EYS: variants seen among roughly 807,000 people sequenced by gnomAD.
EYS encodes protein eyes shut homolog.
In EYS, 250 loss-of-function variants were observed where a neutral mutation model predicts 282.1. That is an observed-to-expected ratio of 0.89 (90% CI 0.80 to 0.98). The LOEUF is 0.98. Ranked by LOEUF, EYS falls within the 50% of genes least tolerant of loss-of-function variation. EYS has a pLI of 0.00. For missense variants in EYS, 4,016 were observed against 3,709.0 expected (o/e 1.08, Z -2.15); for synonymous variants, 1,355 against 1,282.9 (o/e 1.06, Z -1.20).
chr6:64,421,681 T>G (rs1774237052), intron 28 of EYS, among the ~76,000 whole-genome samples: 2 of 152,114 alleles, frequency 1.3e-5, no homozygotes, highest in Admixed American at 6.5e-5. Context: ...AAAATCAAAA[T>G]GCACAGATTA....
At chr6:65,380,913 A>G (rs1023497859) in intron 8 of EYS, among the ~76,000 whole-genome samples, 1 of 152,164 alleles carries the variant, frequency 6.6e-6, no homozygotes, top group African/African-American at 2.4e-5. Flanking sequence ...CCAAACCACA[A>G]CGAGATACCA....
chr6:65,217,286 A>T (rs754521008), intron 12 of EYS, among the ~76,000 whole-genome samples: 7 of 152,100 alleles, frequency 4.6e-5, no homozygotes, highest in Non-Finnish European at 1.0e-4. Context: ...TTAAGACTGT[A>T]GCAATTTTAG....
At chr6:64,995,720 C>CG (rs565543746) in intron 14 of EYS, among the ~76,000 whole-genome samples, 7 of 148,550 alleles carry the variant, frequency 4.7e-5, no homozygotes, top group African/African-American at 1.7e-4. Context: ...CTGCTTCCCC[C>CG]CCGCCCCATA....
intron 10 of EYS, among the ~76,000 whole-genome samples, chr6:65,342,387 G>A (rs1562108582): frequency 6.6e-6 from 1 of 150,904 alleles, no homozygotes; most frequent in Non-Finnish European, 1.5e-5. Flanking sequence ...CTACACTGAT[G>A]TATTAGAATG....
Position 65,077,902 on chromosome 6 carries a change from A to G in EYS, c.2024-20175T>C, listed in dbSNP as rs191309945. Among the ~76,000 whole-genome samples the G allele has an allele frequency of 6.1e-3, 924 of 152,264 alleles. 6 individuals carry two copies. Among genetic ancestry groups the G allele is most frequent in the Non-Finnish European group, 9.2e-3 (626 of 68,002 alleles). On this transcript the variant is annotated intron_variant, in intron 12 of 42. Coordinates refer to ENST00000503581, the MANE Select transcript of EYS (RefSeq NM_001142800.2). ...TTTAATGGTTTTAGAAAAAATAAAT[A>G]TGCTTCTTCCTCAGATGCTTTCAGT...
chr6:64,968,256 C>G (rs1030416262), intron 14 of EYS, among the ~76,000 whole-genome samples: 1 of 151,858 alleles, frequency 6.6e-6, no homozygotes, highest in African/African-American at 2.4e-5. Context: ...AACACTTGAC[C>G]CAAGATTTTT....
chr6:63,932,513 A>G (rs1764925773), intron 35 of EYS, among the ~76,000 whole-genome samples: 1 of 151,824 alleles, frequency 6.6e-6, no homozygotes, highest in Non-Finnish European at 1.5e-5. Flanking sequence ...TTCCTCTGGC[A>G]CTCCTCCTTC....
chr6:65,277,830 T>A (rs908962002), intron 12 of EYS, among the ~76,000 whole-genome samples: 4 of 152,088 alleles, frequency 2.6e-5, no homozygotes, highest in African/African-American at 9.7e-5. Flanking sequence ...CATTTGGAGA[T>A]TGAGTATGAA....
intron 39 of EYS, chr6:63,779,454 A>C (rs1305280092): frequency 1.9e-5 from 1 of 54,002 alleles, no homozygotes; most frequent in Non-Finnish European, 3.7e-5. Context: ...AGTCTGTTTC[A>C]AAAAAAAAAA....
At chr6:64,333,001 G>A (rs1418019378) in intron 29 of EYS, among the ~76,000 whole-genome samples, 1 of 152,130 alleles carries the variant, frequency 6.6e-6, no homozygotes, top group Non-Finnish European at 1.5e-5. Flanking sequence ...AGGGGACTAG[G>A]ATGACTGTCA....
intron 2 of EYS, among the ~76,000 whole-genome samples, chr6:65,590,126 T>C (rs900036850): frequency 6.6e-6 from 1 of 151,994 alleles, no homozygotes; most frequent in Admixed American, 6.6e-5. Context: ...TAATATTAAG[T>C]GTAATTGTAA....
In EYS at chr6:65,465,475, A is replaced by C. The variant is rs1004136943; in HGVS notation, c.862+25119T>G. ...CTGGGTGACAGAGTGAGGCTCTGTC[A>C]CAAACAAACAAACAAACAAACACCA... On this transcript the variant is annotated intron_variant, in intron 5 of 42. Coordinates refer to ENST00000503581, the MANE Select transcript of EYS (RefSeq NM_001142800.2). Among the ~76,000 whole-genome samples, 6 of 151,918 alleles carry C rather than the reference A, an allele frequency of 3.9e-5. No homozygotes were observed. In the East Asian group the frequency reaches 1.2e-3, roughly 29 times the overall value.
intron 36 of EYS, among the ~76,000 whole-genome samples, chr6:63,841,828 C>T (rs2149697729): frequency 6.6e-6 from 1 of 152,242 alleles, no homozygotes; most frequent in East Asian, 1.9e-4. Flanking sequence ...TCTCATTGTT[C>T]AACTCCCACT....
chr6:63,900,121 A>G (rs912210499), intron 35 of EYS, among the ~76,000 whole-genome samples: 1 of 151,998 alleles, frequency 6.6e-6, no homozygotes, highest in South Asian at 2.1e-4. Context: ...GATTTTTTTT[A>G]CCTGCTACTT....
chr6:64,765,544 A>G (rs557710184), intron 22 of EYS, among the ~76,000 whole-genome samples: 4 of 152,316 alleles, frequency 2.6e-5, no homozygotes, highest in Non-Finnish European at 5.9e-5. Context: ...ACACTACAGT[A>G]AAGAACTACC....
chr6:65,691,240 C>T (rs1384855358), intron 1 of EYS, among the ~76,000 whole-genome samples: 2 of 150,222 alleles, frequency 1.3e-5, no homozygotes, highest in East Asian at 2.3e-4. Flanking sequence ...CTCTCCAGCA[C>T]CTGTTGCTTC....
chr6:63,871,465 A>G (rs1270391309), intron 35 of EYS, among the ~76,000 whole-genome samples: 1 of 152,024 alleles, frequency 6.6e-6, no homozygotes, highest in Non-Finnish European at 1.5e-5. Context: ...GTTCAATCCC[A>G]TCCTGGCCAA....
intron 41 of EYS, among the ~76,000 whole-genome samples, chr6:63,746,075 CTG>C (rs1318309180): frequency 2.0e-5 from 3 of 152,220 alleles, no homozygotes; most frequent in African/African-American, 7.2e-5. Context: ...GCCACCCAGT[CTG>C]TGGTATTTTG....
chr6:64,091,995 G>T (rs1026258901), intron 31 of EYS, among the ~76,000 whole-genome samples: 1 of 152,088 alleles, frequency 6.6e-6, no homozygotes, highest in Non-Finnish European at 1.5e-5. Context: ...GTGAGAACAT[G>T]CAGTGTTTGG....
Sources: gnomAD v4.1 joint callset for allele counts (sites outside exome capture counted in the v4.1 genomes callset) on GRCh38, gnomAD v4.1.1 for gene constraint, MANE v1.5 for transcripts, NCBI Gene and HGNC (gene_info 2026-07-23, HGNC 2026-07-21) for gene names.